Variants in CSMD1 observed in about 807,000 individuals in gnomAD.
CSMD1 encodes CUB and Sushi multiple domains 1.
In CSMD1, 213 loss-of-function variants were observed where a neutral mutation model predicts 417.5. The ratio of observed to expected loss-of-function variants is 0.51; its 90% confidence interval spans 0.46 to 0.57. The LOEUF (loss-of-function observed/expected upper bound fraction) is 0.57, where lower values mean the gene tolerates loss of function less well. Among genes scored for constraint, CSMD1 ranks in the 20% least tolerant of loss-of-function variants. CSMD1 has a pLI of 0.00. For missense variants in CSMD1, 6,923 were observed against 4,529.7 expected, an observed-to-expected ratio of 1.53 and a Z score of -15.17; for synonymous variants, 2,862 against 1,736.8, an observed-to-expected ratio of 1.65 and a Z score of -16.11.
At chr8:4,147,942 C>G (rs192437857) in intron 3 of CSMD1, among the ~76,000 whole-genome samples, 1 of 152,168 alleles carries the variant, frequency 6.6e-6, no homozygotes, top group Admixed American at 6.5e-5. Context: ...TGGGGTGCAC[C>G]AGGTAGAAAC....
intron 10 of CSMD1, among the ~76,000 whole-genome samples, chr8:3,551,602 T>G (rs563713854): frequency 7.1e-5 from 9 of 126,622 alleles, no homozygotes; most frequent in African/African-American, 1.9e-4. Context: ...ATATATTTTT[T>G]TTTTTTTTTT....
intron 5 of CSMD1, among the ~76,000 whole-genome samples, chr8:3,886,532 G>A (rs967747578): frequency 5.9e-5 from 9 of 152,172 alleles, no homozygotes; most frequent in Non-Finnish European, 1.2e-4. Context: ...TTGAAAGCAG[G>A]CCATGGACAG....
chr8:2,957,908 A>G lies in CSMD1; in HGVS notation c.9703-101T>C, dbSNP rs1803134134. 3.9e-6 allele frequency: 3 copies of G among 760,906 alleles called. No individual in the cohort carries two copies. The South Asian group carries it at 4.9e-5, about 12-fold the overall frequency. The allele number at this position is 760,906 out of a possible 1,614,324, so 47.1% of individuals were successfully genotyped here. A position where few individuals can be genotyped will look rare whatever the true frequency, so the allele number is the denominator to read the frequency against. On this transcript the variant is annotated intron_variant, in intron 62 of 69. Transcript: ENST00000635120. ...CACGCCCGAGTAAAAGTACAGCAGC[A>G]ACTTTTCAGGTTAATGTCAAGCCAC... is the stretch of plus-strand genomic sequence containing the variant.
chr8:3,859,690 G>T (rs75204667), intron 5 of CSMD1, among the ~76,000 whole-genome samples: 5,102 of 152,182 alleles, frequency 0.034, 93 homozygotes, highest in Middle Eastern at 0.068. Context: ...AATGAGTCGT[G>T]CCTACATAGT....
intron 59 of CSMD1, among the ~76,000 whole-genome samples, chr8:2,964,889 G>C (rs1216105738): frequency 6.6e-6 from 1 of 152,166 alleles, no homozygotes; most frequent in Non-Finnish European, 1.5e-5. Context: ...GTGTCTTGCA[G>C]AACTCACCGA....
At chr8:3,862,630 T>C (rs1010823329) in intron 5 of CSMD1, among the ~76,000 whole-genome samples, 1 of 152,240 alleles carries the variant, frequency 6.6e-6, no homozygotes, top group African/African-American at 2.4e-5. Context: ...CTCTATTTGC[T>C]GAATAAACCA....
chr8:3,267,632 G>T (rs144197437), intron 26 of CSMD1, among the ~76,000 whole-genome samples: 3 of 152,164 alleles, frequency 2.0e-5, no homozygotes, highest in Non-Finnish European at 4.4e-5. Flanking sequence ...AATGTGTCCC[G>T]GCAAAAGCAA....
rs184852726 is a variant in CSMD1 at position 3,158,181 on chromosome 8, C to T, written c.5845-215G>A. On this transcript the variant is annotated intron_variant, in intron 38 of 69. Transcript: ENST00000635120. ...TCCATTTTCACCGTGTTTCTTTCTA[C>T]TAAAAACAAAATCTTGCAATGTCCT... Among the ~76,000 whole-genome samples the T allele has an allele frequency of 2.9e-3, 438 of 152,244 alleles. 4 individuals carry two copies. The highest frequency in any genetic ancestry group is 9.9e-3 in the African/African-American group (411 of 41,548).
intron 6 of CSMD1, among the ~76,000 whole-genome samples, chr8:3,711,550 T>C (rs1022355381): frequency 5.3e-5 from 8 of 152,200 alleles, no homozygotes; most frequent in African/African-American, 9.7e-5. Flanking sequence ...ACCTGGCGTC[T>C]TCCTCCTCTT....
intron 1 of CSMD1, among the ~76,000 whole-genome samples, chr8:4,802,875 G>A (rs79629213): frequency 0.07 from 10,698 of 152,218 alleles, 620 homozygotes; most frequent in East Asian, 0.23. Context: ...CAAATATCAT[G>A]TCATATCCGT....
At chr8:4,748,086 T>C (rs1255357907) in intron 1 of CSMD1, among the ~76,000 whole-genome samples, 1 of 152,162 alleles carries the variant, frequency 6.6e-6, no homozygotes, top group Non-Finnish European at 1.5e-5. Context: ...TCTGTTGAAA[T>C]ATGACTGATG....
intron 4 of CSMD1, among the ~76,000 whole-genome samples, chr8:4,025,751 T>C (rs545504253): frequency 1.4e-4 from 21 of 152,296 alleles, no homozygotes; most frequent in African/African-American, 4.8e-4. Flanking sequence ...TTAATGTCAA[T>C]GTGATGTTTG....
chr8:3,792,728 C>G (rs1272261349), intron 5 of CSMD1, among the ~76,000 whole-genome samples: 2 of 152,168 alleles, frequency 1.3e-5, no homozygotes, highest in Non-Finnish European at 2.9e-5. Flanking sequence ...GAAAGAGTTT[C>G]AACCAGAATG....
At chr8:3,585,445 C>T (rs1800560014) in intron 9 of CSMD1, among the ~76,000 whole-genome samples, 1 of 152,118 alleles carries the variant, frequency 6.6e-6, no homozygotes. Context: ...ACAAAACCTC[C>T]AAACCCAGCA....
At chr8:3,854,621 C>A (rs905012465) in intron 5 of CSMD1, among the ~76,000 whole-genome samples, 1 of 151,870 alleles carries the variant, frequency 6.6e-6, no homozygotes, top group African/African-American at 2.4e-5. Context: ...TCTGGTAGCT[C>A]CATTGTCAGG....
chr8:4,136,981 T>C (rs758011124), intron 3 of CSMD1, among the ~76,000 whole-genome samples: 11 of 152,166 alleles, frequency 7.2e-5, no homozygotes, highest in Non-Finnish European at 1.0e-4. Flanking sequence ...ATGAAACAAA[T>C]AAATGTGGGC....
intron 2 of CSMD1, among the ~76,000 whole-genome samples, chr8:4,550,291 G>A (rs939137112): frequency 3.3e-5 from 5 of 150,098 alleles, no homozygotes; most frequent in African/African-American, 1.2e-4. Context: ...TGATCATGAG[G>A]AATACAACAC....
intron 2 of CSMD1, among the ~76,000 whole-genome samples, chr8:4,591,779 T>G (rs539151131): frequency 1.3e-5 from 2 of 152,220 alleles, no homozygotes; most frequent in East Asian, 3.9e-4. Context: ...CTTAGCGTAT[T>G]GAGGGGAATG....
At chr8:4,126,866 A>G (rs1802793495) in intron 3 of CSMD1, among the ~76,000 whole-genome samples, 1 of 152,158 alleles carries the variant, frequency 6.6e-6, no homozygotes, top group South Asian at 2.1e-4. Context: ...GATCAGTCCC[A>G]GGACCACAGC....
Sources: gnomAD v4.1 joint callset for allele counts (sites outside exome capture counted in the v4.1 genomes callset) on GRCh38, gnomAD v4.1.1 for gene constraint, MANE v1.5 for transcripts, NCBI Gene and HGNC (gene_info 2026-07-23, HGNC 2026-07-21) for gene names.